Variants in MINK1 observed in about 807,000 individuals in gnomAD.
The protein encoded by MINK1 is misshapen-like kinase 1.
A neutral mutation model predicts 178.4 loss-of-function variants in MINK1; 46 were observed. That is an observed-to-expected ratio of 0.26 (90% CI 0.20 to 0.33). The LOEUF (loss-of-function observed/expected upper bound fraction) is 0.33. MINK1 is among the 10% of genes least tolerant of loss of function. The pLI, the probability that MINK1 is intolerant of heterozygous loss-of-function variation, is 1.00. For synonymous variants in MINK1, 797 were observed against 709.7 expected (o/e 1.12, Z -1.96); for missense variants, 1,366 against 1,814.9 (o/e 0.75, Z 4.49).
chr17:4,883,137 T>C (rs1370575875), intron 4 of MINK1: 1 of 145,498 alleles, frequency 6.9e-6, no homozygotes, highest in Non-Finnish European at 1.5e-5. Flanking sequence ...AAAAAAAAAG[T>C]GAAAACCATT....
intron 1 of MINK1, among the ~76,000 whole-genome samples, chr17:4,851,817 A>G (rs1912007932): frequency 6.6e-6 from 1 of 152,002 alleles, no homozygotes; most frequent in Non-Finnish European, 1.5e-5. Flanking sequence ...CCTGACCAAC[A>G]AGGTAAACCC....
rs771775164 is a variant in MINK1 at position 4,893,530 on chromosome 17, A to G, written c.2497A>G (p.Ser833Gly). Residue 833 changes from serine to glycine, a missense_variant, in exon 21 of 32, where the codon AGT becomes GGT. Ser to Gly is a moderately conservative substitution (Grantham distance 56). Coordinates refer to ENST00000355280, the MANE Select transcript of MINK1 (RefSeq NM_153827.5). ...YSSSSEEVES[S>G]EDDEEEGEGG... is the part of the protein sequence containing the mutation. ...GTCGTCCAGCGAGGAGGTGGAAAGC[A>G]GTGAGGACGACGAGGAGGAAGGCGA... is the stretch of plus-strand genomic sequence containing the variant. 1.1e-5 allele frequency: 18 copies of G among 1,597,924 alleles called. No homozygotes were observed. The highest frequency in any genetic ancestry group is 2.2e-5 in the South Asian group (2 of 90,492).
chr17:4,888,920 G>A lies in MINK1; in HGVS notation c.1231-727G>A, dbSNP rs557820834. 2.4e-4 allele frequency among the ~76,000 whole-genome samples: 37 copies of A among 151,966 alleles called. No individual in the cohort carries two copies. The South Asian group carries it at 2.5e-3, about 10-fold the overall frequency. On this transcript the variant is annotated intron_variant, in intron 12 of 31. Coordinates refer to ENST00000355280, the MANE Select transcript of MINK1 (RefSeq NM_153827.5). ...TCTGCATGTTGGTCAGGCTGGTCTC[G>A]AACTCCCGACCTCAGGTGATCCACC...
chr17:4,885,845 G>A lies in MINK1; in HGVS notation c.640-66G>A, dbSNP rs1968151010. On this transcript the variant is annotated intron_variant, in intron 7 of 31. Transcript: ENST00000355280. This position sits in a 1 kb window ranked among gnomAD's most constrained non-coding sequence, Gnocchi z 5.0. ...AGGCTCCTGAGAGGCCAGGATGGTG[G>A]GTGAAGAGAGGTTGCAGGGCAGAGT... The A allele has an allele frequency of 1.1e-5, 18 of 1,571,002 alleles. No individual in the cohort carries two copies. In the Admixed American group the frequency reaches 2.9e-4, roughly 26 times the overall value.
chr17:4,896,079 C>G lies in MINK1; in HGVS notation c.3441C>G (p.Pro1147=). 1 of 1,608,144 alleles carries G rather than the reference C, an allele frequency of 6.2e-7. No individual in the cohort carries two copies. Among genetic ancestry groups the G allele is most frequent in the Non-Finnish European group, 8.5e-7 (1 of 1,177,326 alleles). ...SVEVYAWAPK[P]YHKFMAFKSF... ...AGGTGTATGCCTGGGCCCCCAAACC[C>G]TACCACAAATTCATGGCCTTCAAGG... The change falls in exon 28 of 32, where the codon CCC becomes CCG. Residue 1147 remains proline, a synonymous_variant. Transcript: ENST00000355280. This position sits in a 1 kb window ranked among gnomAD's most constrained non-coding sequence, Gnocchi z 4.6.
At chr17:4,884,621 G>C in intron 5 of MINK1, 148 bp downstream of exon 5, 1 of 664,710 alleles carries the variant, frequency 1.5e-6, no homozygotes, top group Non-Finnish European at 2.6e-6. Flanking sequence ...GTGGAAGCAG[G>C]GTCCACACCT....
Position 4,892,143 on chromosome 17 carries a change from C to A in MINK1, c.2002-6C>A. On this transcript the variant is annotated splice_region_variant and splice_polypyrimidine_tract_variant and intron_variant, in intron 16 of 31. Transcript: ENST00000355280. ...CAGCTCGCAGCACGTGGACTTCTCT[C>A]CACAGGTGCCTCAGAGGACCTCATC... 1 of 1,589,266 alleles carries A rather than the reference C, an allele frequency of 6.3e-7. No homozygotes were observed.
Position 4,877,104 on chromosome 17 carries a change from AAG to A in MINK1, c.58-1210_58-1209del, listed in dbSNP as rs1491509824. The stretch of plus-strand genomic sequence containing the variant: ...TCAGTCTCAAAAGAAAAAAAAAAAA[AAG>A]AGCCATCATTCTGCAGGAGGTGCAG... On this transcript the variant is annotated intron_variant, in intron 1 of 31. Coordinates refer to ENST00000355280, the MANE Select transcript of MINK1 (RefSeq NM_153827.5). 4.0e-5 allele frequency among the ~76,000 whole-genome samples: 6 copies of A among 151,756 alleles called. No homozygotes were observed. The South Asian group carries it at 6.2e-4, about 16-fold the overall frequency.
intron 12 of MINK1, among the ~76,000 whole-genome samples, chr17:4,889,346 A>G (rs1232177558): frequency 1.3e-5 from 2 of 151,970 alleles, no homozygotes; most frequent in African/African-American, 4.8e-5. Flanking sequence ...GCTTGTTTTG[A>G]GTTCGGCTTT....
rs760080517 is a variant in MINK1, at chr17:4,896,368, A to C, written c.3615+26A>C. On this transcript the variant is annotated intron_variant, in intron 29 of 31. Coordinates refer to ENST00000355280, the MANE Select transcript of MINK1 (RefSeq NM_153827.5). This position sits in a 1 kb window ranked among gnomAD's most constrained non-coding sequence, Gnocchi z 4.6. The stretch of plus-strand genomic sequence containing the variant: ...GTGAGCTTGGCGGGGCTGCTGGGGG[A>C]GTGGGATGGCCCAGTCTGGGCACCA... 1 of 1,602,602 alleles carries C rather than the reference A, an allele frequency of 6.2e-7. No homozygotes were observed. The highest frequency in any genetic ancestry group is 1.1e-5 in the South Asian group (1 of 89,318).
intron 12 of MINK1, among the ~76,000 whole-genome samples, chr17:4,888,941 C>A (rs948860115): frequency 2.0e-5 from 3 of 152,150 alleles, no homozygotes; most frequent in Non-Finnish European, 4.4e-5. Flanking sequence ...CTCAGGTGAT[C>A]CACCTGCCTC....
chr17:4,878,261 C>T (rs1967372712), intron 1 of MINK1, 56 bp from the exon 2 acceptor site: 1 of 1,478,952 alleles, frequency 6.8e-7, no homozygotes, highest in Non-Finnish European at 9.1e-7. Context: ...CCCCCTCTAG[C>T]TCTGTAATCC....
intron 1 of MINK1, among the ~76,000 whole-genome samples, chr17:4,851,506 C>A: frequency 6.6e-6 from 1 of 152,298 alleles, no homozygotes. Context: ...TGCCCCCCTG[C>A]GATGGGGACT....
intron 14 of MINK1, 36 bp downstream of exon 14, chr17:4,890,771 T>A (rs981546553): frequency 6.5e-7 from 1 of 1,536,344 alleles, no homozygotes; most frequent in East Asian, 2.5e-5. Context: ...GAGACTGCAG[T>A]CCCACTGCCT....
Position 4,892,227 on chromosome 17 carries a change from C to T in MINK1, c.2080C>T (p.Arg694Cys), listed in dbSNP as rs373787541. ...AGGGTCCCGGCCAGCCCAGGCAGTC[C>T]GTGCCAGGTAATGCCTGGGTAGGGC... ...AGGSRPAQAVRARPRSNSAWQ... is the reference protein window; with the variant it reads ...AGGSRPAQAVCARPRSNSAWQ... Residue 694 changes from arginine to cysteine, a missense_variant, in exon 17 of 32, where the codon CGT (arginine) becomes TGT (cysteine). Arg to Cys is a radical substitution (Grantham distance 180, BLOSUM62 -3). Around this residue, in one of 14 missense-constraint regions of MINK1, gnomAD observed 709 missense variants for 692.3 expected, o/e 1.02. Coordinates refer to ENST00000355280, the MANE Select transcript of MINK1 (RefSeq NM_153827.5). The T allele has an allele frequency of 3.7e-5, 59 of 1,582,826 alleles. No individual in the cohort carries two copies. The highest frequency in any genetic ancestry group is 4.3e-5 in the Non-Finnish European group (50 of 1,165,362).
At chr17:4,893,814 C>G in intron 21 of MINK1, 174 bp from the exon 22 acceptor site, 1 of 875,144 alleles carries the variant, frequency 1.1e-6, no homozygotes, top group South Asian at 1.9e-5. Context: ...CCAGCCTGCC[C>G]TGTGTGCCAT....
At position 4,896,594 on chromosome 17, in the gene MINK1, TGA is replaced by T. The variant is rs1400547560; in HGVS notation, c.3775+8_3775+9del. The T allele has an allele frequency of 3.1e-6, 5 of 1,613,526 alleles. No individual in the cohort carries two copies. The highest frequency in any genetic ancestry group is 4.2e-6 in the Non-Finnish European group (5 of 1,179,702). ...GGAGATGCCTACTTCTGTGGGTGAG[TGA>T]GCTGCCGCCCTCCCAGCCACATGCC... On this transcript the variant is annotated splice_region_variant and intron_variant, in intron 30 of 31. Transcript: ENST00000355280. This position sits in a 1 kb window ranked among gnomAD's most constrained non-coding sequence, Gnocchi z 4.6.
intron 1 of MINK1, among the ~76,000 whole-genome samples, chr17:4,837,482 G>A (rs188055210): frequency 1.2e-3 from 177 of 152,326 alleles, no homozygotes; most frequent in Non-Finnish European, 1.5e-3. Context: ...CTTGTCTGGG[G>A]TAAACAGTTC....
chr17:4,835,640 C>CAA (rs1015826406), intron 1 of MINK1, among the ~76,000 whole-genome samples: 6 of 151,742 alleles, frequency 4.0e-5, no homozygotes, highest in African/African-American at 1.5e-4. Context: ...CAAAACAAAA[C>CAA]AAAACAAAAA....
Sources: gnomAD v4.1 joint callset for allele counts (sites outside exome capture counted in the v4.1 genomes callset) on GRCh38, gnomAD v4.1.1 for gene constraint, gnomAD v4.1.1 regional missense constraint, Gnocchi (gnomAD v3.1) non-coding constraint, MANE v1.5 for transcripts, NCBI Gene and HGNC (gene_info 2026-07-23, HGNC 2026-07-21) for gene names.